Variants in CSMD2 observed in about 807,000 individuals in gnomAD.
CSMD2 encodes the protein CUB and Sushi multiple domains 2.
In CSMD2, 130 loss-of-function variants were observed where a neutral mutation model predicts 398.5. That is an observed-to-expected ratio of 0.33 (90% CI 0.28 to 0.38). The LOEUF (loss-of-function observed/expected upper bound fraction) is 0.38, where lower values mean the gene tolerates loss of function less well. CSMD2 is among the 10% of genes least tolerant of loss of function. The probability of loss-of-function intolerance (pLI) is 1.00; values close to 1 mark genes in which losing one functional copy is unlikely to be tolerated. For synonymous variants in CSMD2, 1,828 were observed against 1,908.5 expected (o/e 0.96, Z 1.10); for missense variants, 3,829 against 4,764.9 (o/e 0.80, Z 5.78).
chr1:34,149,509 A>G (rs1640091981), intron 1 of CSMD2, among the ~76,000 whole-genome samples: 1 of 152,214 alleles, frequency 6.6e-6, no homozygotes, highest in Non-Finnish European at 1.5e-5. Context: ...GAATTAGTAC[A>G]CGGAAGAAGT....
intron 2 of CSMD2, among the ~76,000 whole-genome samples, chr1:34,059,736 G>GAATGAATA (rs1558315569): frequency 6.6e-6 from 1 of 152,144 alleles, no homozygotes; most frequent in Non-Finnish European, 1.5e-5. Context: ...ATGAATGAAT[G>GAATGAATA]AATGAACGAA....
chr1:34,093,405 G>A (rs375236150), intron 1 of CSMD2, among the ~76,000 whole-genome samples: 4 of 152,194 alleles, frequency 2.6e-5, no homozygotes, highest in Admixed American at 1.3e-4. Flanking sequence ...AAAGCTGGAC[G>A]GAGAATGACT....
At chr1:33,629,763 GA>G (rs1163469233) in intron 32 of CSMD2, among the ~76,000 whole-genome samples, 4 of 150,362 alleles carry the variant, frequency 2.7e-5, no homozygotes, top group African/African-American at 4.9e-5. Context: ...TTTCTTTTGA[GA>G]CGGAGTCTCT....
In CSMD2 at chr1:33,633,833, T is replaced by C. The variant is rs974394073; in HGVS notation, c.5087-298A>G. On this transcript the variant is annotated intron_variant, in intron 31 of 70. Transcript: ENST00000373381. The surrounding 1 kb of genome is among the most constrained non-coding windows in gnomAD (Gnocchi z 5.0). ...CGAAATGGAGCCAACTTTGTTCCTT[T>C]CCCAGATAGCAGCTGCAGCAGCTAT... 1.3e-5 allele frequency among the ~76,000 whole-genome samples: 2 copies of C among 152,098 alleles called. No individual in the cohort carries two copies. The highest frequency in any genetic ancestry group is 4.8e-5 in the African/African-American group (2 of 41,424).
chr1:33,844,570 C>A (rs1661179721), intron 6 of CSMD2, among the ~76,000 whole-genome samples: 2 of 152,182 alleles, frequency 1.3e-5, no homozygotes, highest in Non-Finnish European at 2.9e-5. Flanking sequence ...AAGGAAGAAT[C>A]ATTTATTAAC....
intron 36 of CSMD2, among the ~76,000 whole-genome samples, chr1:33,622,883 G>A (rs779909541): frequency 7.2e-5 from 11 of 152,220 alleles, no homozygotes; most frequent in Non-Finnish European, 1.3e-4. Flanking sequence ...ACTTGTGCAT[G>A]AGCATTATTC....
intron 11 of CSMD2, among the ~76,000 whole-genome samples, chr1:33,791,815 T>C (rs1485937188): frequency 6.6e-6 from 1 of 152,102 alleles, no homozygotes; most frequent in Non-Finnish European, 1.5e-5. Context: ...GTCAGGCTAT[T>C]GGTGGTGGGC....
intron 1 of CSMD2, among the ~76,000 whole-genome samples, chr1:34,146,425 C>A (rs771141): frequency 0.36 from 54,453 of 151,978 alleles, 11,191 homozygotes; most frequent in East Asian, 0.61. Context: ...TCTCATTGAC[C>A]TTTGTCTTGT....
intron 2 of CSMD2, among the ~76,000 whole-genome samples, chr1:34,038,336 C>T (rs1301196253): frequency 1.3e-5 from 2 of 152,146 alleles, no homozygotes; most frequent in African/African-American, 4.8e-5. Flanking sequence ...GTGAGAGTCC[C>T]CTGTTGCTAT....
chr1:33,777,442 G>A (rs1199128438), intron 12 of CSMD2, among the ~76,000 whole-genome samples: 3 of 152,172 alleles, frequency 2.0e-5, no homozygotes, highest in East Asian at 1.9e-4. Context: ...ACTCCTGCTG[G>A]AAACACAGAG....
intron 55 of CSMD2, among the ~76,000 whole-genome samples, chr1:33,555,585 A>C (rs1657881015): frequency 6.6e-6 from 1 of 152,176 alleles, no homozygotes. Context: ...CATGTGGCAG[A>C]CTTCACTGTT....
intron 13 of CSMD2, among the ~76,000 whole-genome samples, chr1:33,747,707 C>T (rs1452492404): frequency 6.6e-6 from 1 of 152,152 alleles, no homozygotes; most frequent in African/African-American, 2.4e-5. Context: ...ACAAAACACA[C>T]AGCTAAGACA....
rs144070680 is a variant in CSMD2, at chr1:33,776,916, TTGA to T, written c.1664-4168_1664-4166del. On this transcript the variant is annotated intron_variant, in intron 12 of 70. Transcript: ENST00000373381. Reference sequence around the variant, plus strand: ...TGTGGAATTGAGATTTCAGAGGTGCTTGATGATGAGGTCCAGCTGCAGCCAGGG... The same window carrying T: ...TGTGGAATTGAGATTTCAGAGGTGCTTGATGAGGTCCAGCTGCAGCCAGGG... Among the ~76,000 whole-genome samples the T allele has an allele frequency of 1.3e-4, 20 of 152,038 alleles. No homozygotes were observed. In the East Asian group the frequency reaches 3.9e-3, roughly 30 times the overall value.
chr1:34,077,318 G>A (rs1196550166), intron 2 of CSMD2, among the ~76,000 whole-genome samples: 6 of 150,670 alleles, frequency 4.0e-5, no homozygotes, highest in Non-Finnish European at 7.4e-5. Context: ...TTAGCCGGGC[G>A]CGGTGGCGGG....
At chr1:33,651,935 C>T (rs559807461) in intron 28 of CSMD2, among the ~76,000 whole-genome samples, 11 of 151,890 alleles carry the variant, frequency 7.2e-5, no homozygotes, top group Admixed American at 7.2e-4. Context: ...GGGGGGGGTG[C>T]CTGGGACCCA....
intron 64 of CSMD2, among the ~76,000 whole-genome samples, chr1:33,532,317 T>C (rs2641951): frequency 0.77 from 117,790 of 152,208 alleles, 45,878 homozygotes; most frequent in African/African-American, 0.84. Context: ...ATACAAAGCA[T>C]TTAGCACAAT....
Position 34,042,857 on chromosome 1 carries a change from G to A in CSMD2, c.405-10151C>T, listed in dbSNP as rs543718473. 1.1e-4 allele frequency among the ~76,000 whole-genome samples: 17 copies of A among 152,096 alleles called. No homozygotes were observed. In the South Asian group the frequency reaches 1.5e-3, roughly 13 times the overall value. ...GGCTGGAGTGCAGTGGCGTGATCTC[G>A]GCTCTCTCCAAGCTCTGCCTCCGGG... On this transcript the variant is annotated intron_variant, in intron 2 of 70. Coordinates refer to ENST00000373381, the MANE Select transcript of CSMD2 (RefSeq NM_001281956.2).
chr1:33,586,714 T>A lies in CSMD2; in HGVS notation c.6938-97A>T, dbSNP rs1434442131. The A allele has an allele frequency of 1.1e-5, 8 of 758,158 alleles. No homozygotes were observed. In the African/African-American group the frequency reaches 1.2e-4, roughly 11 times the overall value. The allele number at this position is 758,158 out of a possible 1,614,324, so 47.0% of individuals were successfully genotyped here. On this transcript the variant is annotated intron_variant, in intron 45 of 70. Coordinates refer to ENST00000373381, the MANE Select transcript of CSMD2 (RefSeq NM_001281956.2). ...GTGAGATAATCAGAGGCGGGTCATG[T>A]TCTGTTCAGACTTAAATAACTAGCT...
intron 13 of CSMD2, among the ~76,000 whole-genome samples, chr1:33,758,626 C>A (rs780800102): frequency 6.6e-6 from 1 of 152,176 alleles, no homozygotes; most frequent in Non-Finnish European, 1.5e-5. Flanking sequence ...AAATAAGCAT[C>A]ACTTATTATG....
Sources: gnomAD v4.1 joint callset for allele counts (sites outside exome capture counted in the v4.1 genomes callset) on GRCh38, gnomAD v4.1.1 for gene constraint, Gnocchi (gnomAD v3.1) non-coding constraint, MANE v1.5 for transcripts, NCBI Gene and HGNC (gene_info 2026-07-23, HGNC 2026-07-21) for gene names.